The following ORC4 variants were observed in gnomAD, a reference collection of about 807,000 sequenced individuals.
ORC4 encodes the protein origin recognition complex, subunit 4 homolog.
ORC4 carries 55 observed loss-of-function variants against 63.9 expected under a neutral mutation model. That is an observed-to-expected ratio of 0.86 (90% confidence interval 0.69 to 1.08). The LOEUF is 1.08. Ranked by LOEUF, ORC4 falls within the 50% of genes least tolerant of loss-of-function variation. The probability of loss-of-function intolerance (pLI) is 0.00; values close to 1 mark genes in which losing one functional copy is unlikely to be tolerated. For missense variants in ORC4, 511 were observed against 504.4 expected, an observed-to-expected ratio of 1.01 and a Z score of -0.13; for synonymous variants, 150 against 168.5, an observed-to-expected ratio of 0.89 and a Z score of 0.85.
chr2:148,010,380 C>CA (rs1279059078), intron 1 of ORC4, among the ~76,000 whole-genome samples: 2 of 149,372 alleles, frequency 1.3e-5, no homozygotes, highest in Non-Finnish European at 3.0e-5. Context: ...AAAATTGAGA[C>CA]AAAAAAATAG....
intron 1 of ORC4, among the ~76,000 whole-genome samples, chr2:148,016,291 T>G (rs1693279507): frequency 6.6e-6 from 1 of 152,104 alleles, no homozygotes; most frequent in Non-Finnish European, 1.5e-5. Flanking sequence ...AAAGCCAAAC[T>G]TGCACCAAAA....
chr2:147,962,322 T>C (rs1319972056), intron 4 of ORC4, among the ~76,000 whole-genome samples: 2 of 152,066 alleles, frequency 1.3e-5, no homozygotes, highest in Admixed American at 6.5e-5. Flanking sequence ...GTTGCATTGC[T>C]CCAGATCATG....
At position 147,932,427 on chromosome 2, in the gene ORC4, A is replaced by C. The variant is rs1687820640; in HGVS notation, c.*3083T>G. 1 of 152,132 alleles carries C rather than the reference A, an allele frequency of 6.6e-6. No homozygotes were observed. Among genetic ancestry groups the C allele is most frequent in the Non-Finnish European group, 1.5e-5 (1 of 68,018 alleles). The allele number at this position is 152,132 out of a possible 1,614,324, so 9.4% of individuals were successfully genotyped here. On this transcript the variant is annotated 3_prime_UTR_variant, in exon 14 of 14. Transcript: ENST00000392857. ...TGCCATCCCCATCAAGCTACCAATG[A>C]CTTTCTTCACAGAATTGGAAAAAAC...
At chr2:147,999,220 G>A (rs1692154018) in intron 1 of ORC4, among the ~76,000 whole-genome samples, 2 of 152,158 alleles carry the variant, frequency 1.3e-5, no homozygotes, top group Non-Finnish European at 2.9e-5. Context: ...GAGGCCATGA[G>A]GCTTATTTTC....
rs547427832 is a variant in ORC4, at chr2:148,005,204, C to T, written c.-18+15429G>A. 2.1e-4 allele frequency among the ~76,000 whole-genome samples: 32 copies of T among 152,242 alleles called. No homozygotes were observed. In the South Asian group the frequency reaches 2.3e-3, roughly 11 times the overall value. Reference sequence around the variant, plus strand: ...AGATAAAGAAAATGTGGCACATATACGCCATGGAATACTATGAAGCCATAA... The same window carrying T: ...AGATAAAGAAAATGTGGCACATATATGCCATGGAATACTATGAAGCCATAA... On this transcript the variant is annotated intron_variant, in intron 1 of 13. Coordinates refer to ENST00000392857, the MANE Select transcript of ORC4 (RefSeq NM_181741.4).
At chr2:147,944,774 A>C (rs1186742082) in intron 9 of ORC4, among the ~76,000 whole-genome samples, 1 of 151,522 alleles carries the variant, frequency 6.6e-6, no homozygotes, top group Non-Finnish European at 1.5e-5. Flanking sequence ...TACTTTGTCC[A>C]CTCTAAGAAG....
Position 147,930,980 on chromosome 2 carries a change from A to G in ORC4, c.*4530T>C, listed in dbSNP as rs1173658407. 1 of 149,092 alleles carries G rather than the reference A, an allele frequency of 6.7e-6. No homozygotes were observed. Among genetic ancestry groups the G allele is most frequent in the South Asian group, 2.1e-4 (1 of 4,666 alleles). 9.2% of individuals were successfully genotyped at this position (149,092 alleles called of 1,614,324 possible). ...ACTAACTCGTCATCTAGCATTAGGT[A>G]TATCTCCTAATGCTATCCCTCCCCC... On this transcript the variant is annotated 3_prime_UTR_variant, in exon 14 of 14. Coordinates refer to ENST00000392857, the MANE Select transcript of ORC4 (RefSeq NM_181741.4).
At position 147,979,908 on chromosome 2, in the gene ORC4, A is replaced by G. The variant is rs181155344; in HGVS notation, c.-17-3933T>C. Reference sequence around the variant, plus strand: ...TGAAATTGAACCCTTATTGCACACCATATACAAAGATCAACTAAAAATGGA... The same window carrying G: ...TGAAATTGAACCCTTATTGCACACCGTATACAAAGATCAACTAAAAATGGA... On this transcript the variant is annotated intron_variant, in intron 1 of 13. Coordinates refer to ENST00000392857, the MANE Select transcript of ORC4 (RefSeq NM_181741.4). Among the ~76,000 whole-genome samples, 434 of 152,298 alleles carry G rather than the reference A, an allele frequency of 2.8e-3. 4 individuals carry two copies. The highest frequency in any genetic ancestry group is 5.8e-3 in the South Asian group (28 of 4,826).
intron 1 of ORC4, among the ~76,000 whole-genome samples, chr2:147,982,686 A>G (rs1469977130): frequency 6.6e-6 from 1 of 152,208 alleles, no homozygotes; most frequent in African/African-American, 2.4e-5. Flanking sequence ...ATAAATTTTG[A>G]CTGTAAATAA....
At chr2:147,994,173 T>C (rs886297907) in intron 1 of ORC4, among the ~76,000 whole-genome samples, 9 of 152,186 alleles carry the variant, frequency 5.9e-5, no homozygotes, top group African/African-American at 2.2e-4. Flanking sequence ...GTACAAGATC[T>C]CTATGAGGAT....
intron 1 of ORC4, among the ~76,000 whole-genome samples, chr2:147,988,675 T>G (rs760837566): frequency 6.6e-6 from 1 of 152,124 alleles, no homozygotes; most frequent in Non-Finnish European, 1.5e-5. Flanking sequence ...TTTAAAGATG[T>G]TATTATTTTT....
intron 1 of ORC4, among the ~76,000 whole-genome samples, chr2:148,017,210 G>A (rs1693354523): frequency 6.6e-6 from 1 of 152,102 alleles, no homozygotes; most frequent in South Asian, 2.1e-4. Flanking sequence ...CACACTAAAA[G>A]AAAACAAGGT....
intron 1 of ORC4, among the ~76,000 whole-genome samples, chr2:148,019,670 G>C (rs1693563777): frequency 6.6e-6 from 1 of 152,132 alleles, no homozygotes. Context: ...TAGATTCTTG[G>C]TTTTTAAAAA....
intron 9 of ORC4, among the ~76,000 whole-genome samples, chr2:147,947,513 G>GT (rs1688726576): frequency 6.6e-6 from 1 of 151,904 alleles, no homozygotes; most frequent in Non-Finnish European, 1.5e-5. Flanking sequence ...ACCTGCCTTT[G>GT]TATCTAAGAC....
chr2:147,976,397 A>C (rs1690559975), intron 1 of ORC4, among the ~76,000 whole-genome samples: 1 of 152,166 alleles, frequency 6.6e-6, no homozygotes, highest in Admixed American at 6.5e-5. Context: ...GTATACTGTA[A>C]ATATAAATTT....
intron 1 of ORC4, among the ~76,000 whole-genome samples, chr2:147,994,605 A>G (rs1432984909): frequency 2.0e-5 from 3 of 152,284 alleles, no homozygotes; most frequent in Admixed American, 2.0e-4. Context: ...AATCTTTGCA[A>G]CAAATGGTAA....
intron 2 of ORC4, among the ~76,000 whole-genome samples, chr2:147,974,446 C>G (rs185937753): frequency 4.0e-4 from 61 of 152,000 alleles, no homozygotes; most frequent in African/African-American, 1.4e-3. Flanking sequence ...CCAGCCTGGC[C>G]AACATGGTTG....
intron 1 of ORC4, among the ~76,000 whole-genome samples, chr2:147,987,608 C>T (rs923692349): frequency 1.3e-5 from 2 of 151,892 alleles, no homozygotes; most frequent in African/African-American, 2.4e-5. Flanking sequence ...CAAAAAAAAG[C>T]ATTTAAGGAG....
intron 1 of ORC4, among the ~76,000 whole-genome samples, chr2:148,014,458 A>C (rs1265955030): frequency 6.6e-6 from 1 of 152,218 alleles, no homozygotes; most frequent in Admixed American, 6.5e-5. Flanking sequence ...CTTCTTAAAA[A>C]AGATACTATT....
Sources: allele counts gnomAD v4.1 joint callset (sites outside exome capture counted in the v4.1 genomes callset), GRCh38; gene constraint gnomAD v4.1.1; transcripts MANE v1.5; gene names NCBI Gene and HGNC (gene_info 2026-07-23, HGNC 2026-07-21).